TRAM2: variants seen among roughly 807,000 people sequenced by gnomAD.
TRAM2 encodes translocating chain-associated membrane protein 2.
In TRAM2, 12 loss-of-function variants were observed where a neutral mutation model predicts 51.0. That is an observed-to-expected ratio of 0.24 (90% CI 0.15 to 0.38). The LOEUF (loss-of-function observed/expected upper bound fraction) is 0.38, where lower values mean the gene tolerates loss of function less well. Ranked by LOEUF, TRAM2 falls within the 10% of genes least tolerant of loss-of-function variation. The pLI, the probability that TRAM2 is intolerant of heterozygous loss-of-function variation, is 1.00. For synonymous variants in TRAM2, 175 were observed against 179.4 expected, an observed-to-expected ratio of 0.98 and a Z score of 0.20; for missense variants, 361 against 462.0, an observed-to-expected ratio of 0.78 and a Z score of 2.00.
At chr6:52,575,026 T>C (rs1191488495) in intron 1 of TRAM2, among the ~76,000 whole-genome samples, 2 of 152,090 alleles carry the variant, frequency 1.3e-5, no homozygotes, top group East Asian at 3.9e-4. Context: ...GGAGGCCTCT[T>C]AGAATGGAGG....
At chr6:52,515,478 GT>G (rs1464739849) in intron 4 of TRAM2, among the ~76,000 whole-genome samples, 1 of 152,258 alleles carries the variant, frequency 6.6e-6, no homozygotes, top group Non-Finnish European at 1.5e-5. Context: ...AGCTGACAGA[GT>G]GAGGCTGGCC....
chr6:52,529,204 T>TC (rs371616896), intron 2 of TRAM2, among the ~76,000 whole-genome samples: 344 of 152,300 alleles, frequency 2.3e-3, no homozygotes, highest in Non-Finnish European at 4.1e-3. Context: ...AATGTGTACA[T>TC]GACTTCTTAG....
At chr6:52,538,738 T>C (rs1307528924) in intron 1 of TRAM2, among the ~76,000 whole-genome samples, 4 of 152,304 alleles carry the variant, frequency 2.6e-5, no homozygotes, top group East Asian at 1.9e-4. Context: ...CTGAGAACTT[T>C]TGCATTTTTT....
At chr6:52,517,761 A>T (rs968901332) in intron 2 of TRAM2, among the ~76,000 whole-genome samples, 2 of 152,202 alleles carry the variant, frequency 1.3e-5, no homozygotes, top group East Asian at 3.8e-4. Context: ...CACTGCTGGG[A>T]TGCATTTACC....
At chr6:52,560,729 T>G (rs145903075) in intron 1 of TRAM2, among the ~76,000 whole-genome samples, 65 of 152,294 alleles carry the variant, frequency 4.3e-4, no homozygotes, top group Admixed American at 1.1e-3. Flanking sequence ...AATATAACTC[T>G]CAATAACCAG....
intron 1 of TRAM2, among the ~76,000 whole-genome samples, chr6:52,549,918 C>T (rs759618513): frequency 3.9e-5 from 6 of 152,160 alleles, no homozygotes; most frequent in Non-Finnish European, 5.9e-5. Flanking sequence ...GTCCTATTCT[C>T]AGAGATGGTA....
In TRAM2 at chr6:52,498,729, G is replaced by A. The variant is rs2114050938; in HGVS notation, c.*4468C>T. On this transcript the variant is annotated 3_prime_UTR_variant, in exon 11 of 11. Coordinates refer to ENST00000182527, the MANE Select transcript of TRAM2 (RefSeq NM_012288.4). ...CCACAGACCCTAATCCTGGGCAGCG[G>A]GGTTAGAAACAAATGGGGTGAAACT... 1 of 152,754 alleles carries A rather than the reference G, an allele frequency of 6.5e-6. No individual in the cohort carries two copies. The highest frequency in any genetic ancestry group is 2.1e-4 in the South Asian group (1 of 4,824). The allele number at this position is 152,754 out of a possible 1,614,324, so 9.5% of individuals were successfully genotyped here. A position where few individuals can be genotyped will look rare whatever the true frequency, so the allele number is the denominator to read the frequency against.
At chr6:52,560,083 A>G (rs575780300) in intron 1 of TRAM2, among the ~76,000 whole-genome samples, 1 of 152,280 alleles carries the variant, frequency 6.6e-6, no homozygotes, top group East Asian at 1.9e-4. Flanking sequence ...TCTATTAAAA[A>G]TACAAAAAAA....
At chr6:52,560,155 A>G (rs1581700560) in intron 1 of TRAM2, among the ~76,000 whole-genome samples, 1 of 151,992 alleles carries the variant, frequency 6.6e-6, no homozygotes, top group South Asian at 2.1e-4. Context: ...GAGGCAGGAG[A>G]ATGACTTGAA....
At chr6:52,572,819 T>C (rs150068004) in intron 1 of TRAM2, among the ~76,000 whole-genome samples, 125 of 152,306 alleles carry the variant, frequency 8.2e-4, no homozygotes, top group African/African-American at 2.9e-3. Flanking sequence ...TGGGCTCCCA[T>C]TGTATATGCT....
rs1004872574 is a variant in TRAM2 at position 52,502,824 on chromosome 6, CAAGAT to C, written c.*368_*372del. On this transcript the variant is annotated 3_prime_UTR_variant, in exon 11 of 11. Coordinates refer to ENST00000182527, the MANE Select transcript of TRAM2 (RefSeq NM_012288.4). ...TTGTAAAAATCAGACAGAAAAATTG[CAAGAT>C]AAGGTGAAAATAGGAAGTAAAAAGG... is the stretch of plus-strand genomic sequence containing the variant. The C allele has an allele frequency of 4.0e-5, 8 of 202,200 alleles. No homozygotes were observed. The highest frequency in any genetic ancestry group is 1.9e-4 in the African/African-American group (8 of 42,762). 12.5% of individuals were successfully genotyped at this position (202,200 alleles called of 1,614,324 possible).
chr6:52,558,347 G>A (rs902037731), intron 1 of TRAM2, among the ~76,000 whole-genome samples: 7 of 152,102 alleles, frequency 4.6e-5, no homozygotes, highest in Non-Finnish European at 7.4e-5. Context: ...CACCACTCTG[G>A]CCATCCTGAA....
intron 7 of TRAM2, among the ~76,000 whole-genome samples, chr6:52,506,412 G>A (rs1041540424): frequency 6.6e-6 from 1 of 152,172 alleles, no homozygotes; most frequent in South Asian, 2.1e-4. Flanking sequence ...GCCCTTCACA[G>A]TACTTAGCAC....
intron 2 of TRAM2, 79 bp from the exon 3 acceptor site, chr6:52,516,816 A>C (rs932398418): frequency 9.1e-7 from 1 of 1,104,166 alleles, no homozygotes; most frequent in African/African-American, 1.5e-5. Context: ...ATGAGATGGG[A>C]GGCGAAATGC....
intron 1 of TRAM2, among the ~76,000 whole-genome samples, chr6:52,564,384 C>T (rs148015364): frequency 1.3e-5 from 2 of 152,210 alleles, no homozygotes; most frequent in East Asian, 1.9e-4. Context: ...CCTGCCAGTC[C>T]GGTGTCACCT....
chr6:52,509,712 A>G (rs1371615772), intron 4 of TRAM2, 126 bp from the exon 5 acceptor site: 10 of 794,704 alleles, frequency 1.3e-5, no homozygotes, highest in Non-Finnish European at 2.0e-5. Context: ...GGAACAGGAA[A>G]TGTGAAAACA....
Position 52,503,270 on chromosome 6 carries a change from C to A in TRAM2, c.1040G>T (p.Gly347Val). Residue 347 changes from glycine (G) to valine (V), a missense_variant and splice_region_variant, in exon 11 of 11, where the codon GGT (glycine) becomes GTT (valine). Gly to Val is a moderately radical substitution (Grantham distance 109). Coordinates refer to ENST00000182527, the MANE Select transcript of TRAM2 (RefSeq NM_012288.4). The stretch of plus-strand genomic sequence containing the variant: ...CTTCACCACTCCATTTTCATGGTAA[C>A]CTGGGAAGTGGAGAGAGACAAGCAT... ...LPARLIKRES[G>V]YHENGVVKAE... is the part of the protein sequence containing the mutation. The A allele has an allele frequency of 6.2e-7, 1 of 1,613,758 alleles. No individual in the cohort carries two copies. Among genetic ancestry groups the A allele is most frequent in the Non-Finnish European group, 8.5e-7 (1 of 1,179,724 alleles).
At chr6:52,514,807 G>A (rs1291446420) in intron 4 of TRAM2, among the ~76,000 whole-genome samples, 1 of 152,242 alleles carries the variant, frequency 6.6e-6, no homozygotes, top group African/African-American at 2.4e-5. Context: ...TGAACGTCAA[G>A]GGACTGGGTG....
At chr6:52,507,277 GTCT>G (rs750619402) in intron 7 of TRAM2, among the ~76,000 whole-genome samples, 12 of 152,170 alleles carry the variant, frequency 7.9e-5, no homozygotes, top group Non-Finnish European at 1.6e-4. Flanking sequence ...TCTGTTGAGG[GTCT>G]TCTTCTGGGT....
Sources: allele counts gnomAD v4.1 joint callset (sites outside exome capture counted in the v4.1 genomes callset), GRCh38; gene constraint gnomAD v4.1.1; transcripts MANE v1.5; gene names NCBI Gene and HGNC (gene_info 2026-07-23, HGNC 2026-07-21).